COL5A1: variants seen among roughly 807,000 people sequenced by gnomAD.
The protein encoded by COL5A1 is collagen type V alpha 1 chain.
A neutral mutation model predicts 263.7 loss-of-function variants in COL5A1; 16 were observed. The ratio of observed to expected loss-of-function variants is 0.06; its 90% confidence interval spans 0.04 to 0.09. The LOEUF is 0.09. COL5A1 is among the 10% of genes least tolerant of loss of function. The pLI is 1.00. For synonymous variants in COL5A1, 1,012 were observed against 1,004.5 expected (o/e 1.01, Z -0.14); for missense variants, 2,036 against 2,540.5 (o/e 0.80, Z 4.27).
chr9:134,800,872 G>A (rs921816288), intron 37 of COL5A1, among the ~76,000 whole-genome samples: 1 of 151,546 alleles, frequency 6.6e-6, no homozygotes, highest in Admixed American at 6.6e-5. Flanking sequence ...GCCTGAGGCC[G>A]CTCACCCTCC....
Position 134,765,615 on chromosome 9 carries a change from G to A in COL5A1, c.2035-66G>A, listed in dbSNP as rs988998572. The A allele has an allele frequency of 7.0e-5, 101 of 1,451,932 alleles. No individual in the cohort carries two copies. Among genetic ancestry groups the A allele is most frequent in the Middle Eastern group, 1.7e-4 (1 of 5,748 alleles). The allele number at this position is 1,451,932 out of a possible 1,614,324, so 89.9% of individuals were successfully genotyped here. On this transcript the variant is annotated intron_variant, in intron 20 of 65. Coordinates refer to ENST00000371817, the MANE Select transcript of COL5A1 (RefSeq NM_000093.5). This position sits in a 1 kb window ranked among gnomAD's most constrained non-coding sequence, Gnocchi z 5.1. ...GTGGAGTCAGGGCCAAGTGGGCATA[G>A]GGGACAGAGAGGAGGGCTGGGATTT...
At chr9:134,733,722 C>T (rs946658167) in intron 9 of COL5A1, among the ~76,000 whole-genome samples, 1 of 152,200 alleles carries the variant, frequency 6.6e-6, no homozygotes, top group African/African-American at 2.4e-5. Flanking sequence ...CAGGGGGCTG[C>T]GGGCCTGTTC....
chr9:134,800,715 A>C (rs1296089850), intron 37 of COL5A1, among the ~76,000 whole-genome samples: 1 of 132,544 alleles, frequency 7.5e-6, no homozygotes, highest in Admixed American at 8.4e-5. Context: ...ATTGCACTCC[A>C]GCCTGGGCAA....
At chr9:134,745,948 C>T (rs1169037797) in intron 11 of COL5A1, among the ~76,000 whole-genome samples, 1 of 152,150 alleles carries the variant, frequency 6.6e-6, no homozygotes, top group Non-Finnish European at 1.5e-5. Context: ...CCAGCCCTCC[C>T]CTGTGTCTCT....
chr9:134,693,704 C>T lies in COL5A1; in HGVS notation c.277+2625C>T, dbSNP rs373687398. On this transcript the variant is annotated intron_variant, in intron 2 of 65. Transcript: ENST00000371817. ...GCCTCGCCCCTTCCGCCCGGCCCTC[C>T]GAGCAAACTCGCCACCTGTCCTCTG... Among the ~76,000 whole-genome samples, 190 of 152,324 alleles carry T rather than the reference C, an allele frequency of 1.2e-3. 4 individuals carry two copies. In the South Asian group the frequency reaches 0.036, roughly 29 times the overall value.
Position 134,758,961 on chromosome 9 carries a change from T to C in COL5A1, c.1935+665T>C, listed in dbSNP as rs1836098928. On this transcript the variant is annotated intron_variant, in intron 18 of 65. Coordinates refer to ENST00000371817, the MANE Select transcript of COL5A1 (RefSeq NM_000093.5). This position sits in a 1 kb window ranked among gnomAD's most constrained non-coding sequence, Gnocchi z 4.1. ...CTGTCTCAATAGACTGTGGTCTTCT[T>C]TCAATAACAACGTGATAGAAAGCCT... is the stretch of plus-strand genomic sequence containing the variant. Among the ~76,000 whole-genome samples the C allele has an allele frequency of 6.6e-6, 1 of 152,136 alleles. No homozygotes were observed. Among genetic ancestry groups the C allele is most frequent in the South Asian group, 2.1e-4 (1 of 4,830 alleles).
intron 4 of COL5A1, among the ~76,000 whole-genome samples, chr9:134,703,250 C>G (rs1376438562): frequency 6.6e-6 from 1 of 152,178 alleles, no homozygotes; most frequent in Non-Finnish European, 1.5e-5. Context: ...TTGAGACACA[C>G]CCTCCGGGCA....
chr9:134,697,810 A>T (rs1483385441), intron 2 of COL5A1, among the ~76,000 whole-genome samples: 1 of 152,156 alleles, frequency 6.6e-6, no homozygotes, highest in Non-Finnish European at 1.5e-5. Flanking sequence ...CTCATGTGGA[A>T]GGATGATGCA....
Position 134,691,225 on chromosome 9 carries a change from G to A in COL5A1, c.277+146G>A, listed in dbSNP as rs78716219. 2,847 of 999,030 alleles carry A rather than the reference G, an allele frequency of 2.8e-3. 42 individuals carry two copies. In the African/African-American group the frequency reaches 0.039, roughly 14 times the overall value. The allele number at this position is 999,030 out of a possible 1,614,324, so 61.9% of individuals were successfully genotyped here. On this transcript the variant is annotated intron_variant, in intron 2 of 65. Coordinates refer to ENST00000371817, the MANE Select transcript of COL5A1 (RefSeq NM_000093.5). ...CTCACGAGCCCGGCTTCGTTTCACTGTAGTGAAAAGGCAGTTGCAACAGTG... is the reference window on the plus strand; with the variant it reads ...CTCACGAGCCCGGCTTCGTTTCACTATAGTGAAAAGGCAGTTGCAACAGTG...
Position 134,642,921 on chromosome 9 carries a change from C to T in COL5A1, c.109+625C>T, listed in dbSNP as rs186724935. Among the ~76,000 whole-genome samples the T allele has an allele frequency of 4.0e-3, 609 of 152,362 alleles. 3 individuals are homozygous for T. Among genetic ancestry groups the T allele is most frequent in the Non-Finnish European group, 2.9e-3 (199 of 68,034 alleles). ...TGGTAGACAGCCCTGCTCCTAATCC[C>T]ACCCCCAAACTTCTTGATCCCTGGA... is the stretch of plus-strand genomic sequence containing the variant. On this transcript the variant is annotated intron_variant, in intron 1 of 65. Coordinates refer to ENST00000371817, the MANE Select transcript of COL5A1 (RefSeq NM_000093.5). This position sits in a 1 kb window ranked among gnomAD's most constrained non-coding sequence, Gnocchi z 4.5.
rs777699967 is a variant in COL5A1 at position 134,824,860 on chromosome 9, GGGCCTGGGGGGGCAGGGGT to G, written c.4954+10_4954+28del. 6.2e-7 allele frequency: 1 copy of G among 1,608,744 alleles called. No homozygotes were observed. The highest frequency in any genetic ancestry group is 8.5e-7 in the Non-Finnish European group (1 of 1,178,480). On this transcript the variant is annotated splice_donor_region_variant and intron_variant, in intron 62 of 65. Coordinates refer to ENST00000371817, the MANE Select transcript of COL5A1 (RefSeq NM_000093.5). ...GCCACCCCGACTTCCCAGATGGTGA[GGGCCTGGGGGGGCAGGGGT>G]GGCCCCCCAAAGCGGGCATGGACCT... is the stretch of plus-strand genomic sequence containing the variant.
At chr9:134,766,593 C>A in intron 22 of COL5A1, 95 bp downstream of exon 22, 1 of 1,321,162 alleles carries the variant, frequency 7.6e-7, no homozygotes, top group Non-Finnish European at 1.1e-6. Flanking sequence ...TCCACATCAG[C>A]TGGGAACATG....
intron 1 of COL5A1, among the ~76,000 whole-genome samples, chr9:134,669,833 A>C (rs1832487735): frequency 6.6e-6 from 1 of 151,942 alleles, no homozygotes; most frequent in Non-Finnish European, 1.5e-5. Flanking sequence ...ACATAAGACA[A>C]CTCCATGGTG....
chr9:134,695,468 G>A (rs1005169520), intron 2 of COL5A1, among the ~76,000 whole-genome samples: 1 of 152,122 alleles, frequency 6.6e-6, no homozygotes, highest in Non-Finnish European at 1.5e-5. Flanking sequence ...TGGCAGGGAC[G>A]GCCGAACAGG....
In COL5A1 at chr9:134,723,960, C is replaced by A. The variant is rs551185782; in HGVS notation, c.655-3306C>A. 2.6e-5 allele frequency among the ~76,000 whole-genome samples: 4 copies of A among 152,274 alleles called. No homozygotes were observed. The East Asian group carries it at 7.7e-4, about 29-fold the overall frequency. On this transcript the variant is annotated intron_variant, in intron 4 of 65. Coordinates refer to ENST00000371817, the MANE Select transcript of COL5A1 (RefSeq NM_000093.5). ...CACCCACGATAACCACAGACACATA[C>A]CCCACTCTCTTCCCCTTTTTGGTGC...
chr9:134,753,766 GCCCCTCCCCT>G, intron 14 of COL5A1, 74 bp from the exon 15 acceptor site: 22 of 615,218 alleles, frequency 3.6e-5, no homozygotes, highest in East Asian at 7.3e-5. Context: ...CCCTCCCCCT[GCCCCTCCCCT>G]GCCACCCCCA....
intron 1 of COL5A1, among the ~76,000 whole-genome samples, chr9:134,674,036 G>A (rs1486998859): frequency 6.6e-6 from 1 of 152,144 alleles, no homozygotes; most frequent in Non-Finnish European, 1.5e-5. Context: ...TGTGAGTGAG[G>A]ATGTGGAAAA....
At position 134,681,491 on chromosome 9, in the gene COL5A1, C is replaced by T. The variant is rs563968435; in HGVS notation, c.110-9421C>T. On this transcript the variant is annotated intron_variant, in intron 1 of 65. Coordinates refer to ENST00000371817, the MANE Select transcript of COL5A1 (RefSeq NM_000093.5). This position sits in a 1 kb window ranked among gnomAD's most constrained non-coding sequence, Gnocchi z 4.3. ...GGATATGGTTCCAGTGATGGGGCCA[C>T]GGGTGGGACCGGAATGGAGGCTGCC... 3.0e-4 allele frequency among the ~76,000 whole-genome samples: 46 copies of T among 152,308 alleles called. No homozygotes were observed. Among genetic ancestry groups the T allele is most frequent in the African/African-American group, 9.4e-4 (39 of 41,568 alleles).
rs1831524440 is a variant in COL5A1, at chr9:134,647,758, A to G, written c.109+5462A>G. On this transcript the variant is annotated intron_variant, in intron 1 of 65. Coordinates refer to ENST00000371817, the MANE Select transcript of COL5A1 (RefSeq NM_000093.5). This position sits in a 1 kb window ranked among gnomAD's most constrained non-coding sequence, Gnocchi z 5.0. ...TAAACTCCCGGGAGGGCGATGTTAC[A>G]TTATGGCTCCCGCTTCTCCTCTATT... is the stretch of plus-strand genomic sequence containing the variant. Among the ~76,000 whole-genome samples, 1 of 152,166 alleles carries G rather than the reference A, an allele frequency of 6.6e-6. No homozygotes were observed. The highest frequency in any genetic ancestry group is 1.5e-5 in the Non-Finnish European group (1 of 68,026).
Sources: gnomAD v4.1 joint callset for allele counts (sites outside exome capture counted in the v4.1 genomes callset) on GRCh38, gnomAD v4.1.1 for gene constraint, Gnocchi (gnomAD v3.1) non-coding constraint, MANE v1.5 for transcripts, NCBI Gene and HGNC (gene_info 2026-07-23, HGNC 2026-07-21) for gene names.